The following ZNF23 variants were observed in gnomAD, a reference collection of about 807,000 sequenced individuals.
The protein encoded by ZNF23 is zinc finger protein 23.
A neutral mutation model predicts 56.2 loss-of-function variants in ZNF23; 48 were observed. The observed-to-expected ratio is 0.85, with a 90% CI of 0.68 to 1.09. ZNF23 has a LOEUF of 1.09. ZNF23 is among the 50% of genes least tolerant of loss of function. ZNF23 has a pLI of 0.00. For missense variants in ZNF23, 805 were observed against 811.4 expected (o/e 0.99, Z 0.10); for synonymous variants, 266 against 283.3 (o/e 0.94, Z 0.61).
chr16:71,462,197 G>A lies in ZNF23; in HGVS notation c.-33+13C>T, dbSNP rs1361276550. 1 of 152,370 alleles carries A rather than the reference G, an allele frequency of 6.6e-6. No individual in the cohort carries two copies. The highest frequency in any genetic ancestry group is 1.9e-4 in the East Asian group (1 of 5,188). The allele number at this position is 152,370 out of a possible 1,614,324, so 9.4% of individuals were successfully genotyped here. A position where few individuals can be genotyped will look rare whatever the true frequency, so the allele number is the denominator to read the frequency against. ...CAGGGCACGGCACACAGCGCCCGGA[G>A]CCCTGCACTCACCTCCGTAGCGGAC... On this transcript the variant is annotated intron_variant, in intron 1 of 4. Coordinates refer to ENST00000647773, the MANE Select transcript of ZNF23 (RefSeq NM_001381984.1).
chr16:71,449,894 A>C lies in ZNF23; in HGVS notation c.269-9T>G. ...GTCAGTCTGAATATCTACTATAAAA[A>C]ACAGAAAACATAAAATGTCATGTAA... On this transcript the variant is annotated splice_polypyrimidine_tract_variant and intron_variant, in intron 4 of 4. Coordinates refer to ENST00000647773, the MANE Select transcript of ZNF23 (RefSeq NM_001381984.1). 6.4e-7 allele frequency: 1 copy of C among 1,566,136 alleles called. No individual in the cohort carries two copies. The highest frequency in any genetic ancestry group is 8.6e-7 in the Non-Finnish European group (1 of 1,160,820).
intron 1 of ZNF23, among the ~76,000 whole-genome samples, chr16:71,458,424 T>C (rs1183123085): frequency 6.6e-6 from 1 of 152,230 alleles, no homozygotes; most frequent in East Asian, 1.9e-4. Flanking sequence ...AGTTTGCTTT[T>C]CCCACTTCTT....
chr16:71,455,385 C>T (rs936716735), intron 2 of ZNF23, among the ~76,000 whole-genome samples: 1 of 151,902 alleles, frequency 6.6e-6, no homozygotes, highest in Admixed American at 6.6e-5. Context: ...GAGTTGGAGT[C>T]TCGCTCTGTC....
rs758020926 is a variant in ZNF23 at position 71,449,567 on chromosome 16, G to A, written c.587C>T (p.Thr196Ile). 1.9e-6 allele frequency: 3 copies of A among 1,613,888 alleles called. No homozygotes were observed. The highest frequency in any genetic ancestry group is 2.5e-6 in the Non-Finnish European group (3 of 1,180,028). Reference sequence around the variant, plus strand: ...AATTATTTCATGCTTCACGAGTTTTGTATCAAAGCTGATGGATTTCCCCAA... The same window carrying A: ...AATTATTTCATGCTTCACGAGTTTTATATCAAAGCTGATGGATTTCCCCAA... ...TGLGKSISFD[T>I]KLVKHEIINS... The change falls in exon 5 of 5, where the codon ACA (threonine) becomes ATA (isoleucine). Residue 196 changes from threonine to isoleucine, a missense_variant. By Grantham distance (89) the Thr-to-Ile change is moderately conservative (BLOSUM62 -1). Transcript: ENST00000647773.
intron 4 of ZNF23, chr16:71,451,357 C>A (rs1161072245): frequency 6.6e-6 from 1 of 152,090 alleles, no homozygotes; most frequent in East Asian, 1.9e-4. Flanking sequence ...GCCTGGATTC[C>A]CCAGCAAGCA....
rs758836636 is a variant in ZNF23 at position 71,453,399 on chromosome 16, G to A, written c.161-49C>T. 16 of 1,376,336 alleles carry A rather than the reference G, an allele frequency of 1.2e-5. No homozygotes were observed. The South Asian group carries it at 1.5e-4, about 13-fold the overall frequency. 85.3% of individuals were successfully genotyped at this position (1,376,336 alleles called of 1,614,324 possible). ...AGAGACAGATGAATAAACTCCCACA[G>A]ACAAATTCCTAAGCCTCTTCTCAGA... On this transcript the variant is annotated intron_variant, in intron 3 of 4. Transcript: ENST00000647773.
At position 71,454,147 on chromosome 16, in the gene ZNF23, C is replaced by T. The variant is rs749038300; in HGVS notation, c.55G>A (p.Val19Met). 52 of 1,613,620 alleles carry T rather than the reference C, an allele frequency of 3.2e-5. No individual in the cohort carries two copies. In the East Asian group the frequency reaches 8.5e-4, roughly 26 times the overall value. The change falls in exon 3 of 5, where the codon GTG (valine) becomes ATG (methionine). Residue 19 changes from valine (V) to methionine (M), a missense_variant. Transcript: ENST00000647773. ...WPQKSVTFED[V>M]AVYFTQAEWD... is the part of the protein sequence containing the mutation. Reference sequence around the variant, plus strand: ...TCCGCCTGGGTGAAGTACACAGCCACGTCCTCAAAGGTCACCGACTTCTGA... The same window carrying T: ...TCCGCCTGGGTGAAGTACACAGCCATGTCCTCAAAGGTCACCGACTTCTGA...
intron 4 of ZNF23, chr16:71,450,107 A>G: frequency 5.0e-6 from 2 of 396,270 alleles, no homozygotes; most frequent in Non-Finnish European, 4.4e-6. Context: ...CATCCAAGAT[A>G]CAATCAAATG....
chr16:71,459,733 G>C (rs2043372372), intron 1 of ZNF23, among the ~76,000 whole-genome samples: 1 of 152,142 alleles, frequency 6.6e-6, no homozygotes, highest in Admixed American at 6.5e-5. Flanking sequence ...GCTTAGGATA[G>C]TTTACTGTTG....
chr16:71,449,757 G>C lies in ZNF23; in HGVS notation c.397C>G (p.Gln133Glu). 1 of 1,614,064 alleles carries C rather than the reference G, an allele frequency of 6.2e-7. No individual in the cohort carries two copies. The highest frequency in any genetic ancestry group is 8.5e-7 in the Non-Finnish European group (1 of 1,180,032). The change falls in exon 5 of 5, where the codon CAG (glutamine) becomes GAG (glutamate). Residue 133 changes from glutamine to glutamate, a missense_variant. Coordinates refer to ENST00000647773, the MANE Select transcript of ZNF23 (RefSeq NM_001381984.1). ...FSEASLLEKQ[Q>E]EVHSAGNIKK... is the part of the protein sequence containing the mutation. The stretch of plus-strand genomic sequence containing the variant: ...ATATTTCCTGCTGAGTGGACTTCCT[G>C]TTGTTTCTCTAGAAGAGAGGCTTCT...
At position 71,456,808 on chromosome 16, in the gene ZNF23, C is replaced by T. The variant is rs1008551095; in HGVS notation, c.-12G>A. On this transcript the variant is annotated 5_prime_UTR_variant, in exon 2 of 5. Transcript: ENST00000647773. The stretch of plus-strand genomic sequence containing the variant: ...TGCATGGCTGCCATCCCCTGGTCCC[C>T]GTCTCAGAGAAGGGCTGGAGCTAAG... The T allele has an allele frequency of 8.1e-6, 8 of 985,742 alleles. No homozygotes were observed. The highest frequency in any genetic ancestry group is 5.2e-5 in the African/African-American group (3 of 57,212). 61.1% of individuals were successfully genotyped at this position (985,742 alleles called of 1,614,324 possible). A position where few individuals can be genotyped will look rare whatever the true frequency, so the allele number is the denominator to read the frequency against.
At chr16:71,456,113 G>C (rs1239798472) in intron 2 of ZNF23, 1 of 449,438 alleles carries the variant, frequency 2.2e-6, no homozygotes, top group Non-Finnish European at 4.4e-6. Flanking sequence ...CAGGGGATCC[G>C]TGAAGTCCCT....
At chr16:71,460,579 T>C (rs2043407697) in intron 1 of ZNF23, among the ~76,000 whole-genome samples, 1 of 152,168 alleles carries the variant, frequency 6.6e-6, no homozygotes, top group Admixed American at 6.5e-5. Context: ...ACAATACTGA[T>C]GCAAAAACTA....
chr16:71,450,387 A>C (rs1222824390), intron 4 of ZNF23: 2 of 168,494 alleles, frequency 1.2e-5, no homozygotes, highest in African/African-American at 4.8e-5. Context: ...TGTGCCTAAT[A>C]CAAGGCCACT....
intron 2 of ZNF23, among the ~76,000 whole-genome samples, chr16:71,454,854 G>A (rs1174412876): frequency 6.6e-6 from 1 of 152,196 alleles, no homozygotes; most frequent in Admixed American, 6.5e-5. Context: ...CCTTCCCACT[G>A]GCCGGCTACT....
chr16:71,450,684 A>T (rs1416767752), intron 4 of ZNF23: 1 of 434,800 alleles, frequency 2.3e-6, no homozygotes, highest in African/African-American at 2.1e-5. Context: ...TTGCCACTGC[A>T]CTCCAGTTTG....
chr16:71,449,456 T>G lies in ZNF23; in HGVS notation c.698A>C (p.Asn233Thr), dbSNP rs758167658. The G allele has an allele frequency of 8.1e-6, 13 of 1,614,116 alleles. No homozygotes were observed. The highest frequency in any genetic ancestry group is 2.5e-6 in the Non-Finnish European group (3 of 1,180,048). The change falls in exon 5 of 5, where the codon AAC becomes ACC. Residue 233 changes from asparagine (N) to threonine (T), a missense_variant. Transcript: ENST00000647773. ...ACACTGATAAGGCTTTTCCTCAGTG[T>G]TGTTCTCTTGATGTTGAATAAGTTG... ...DSQLIQHQEN[N>T]TEEKPYQCSE...
chr16:71,455,869 G>C (rs142594800), intron 2 of ZNF23, among the ~76,000 whole-genome samples: 1 of 152,296 alleles, frequency 6.6e-6, no homozygotes, highest in African/African-American at 2.4e-5. Flanking sequence ...AAGCAGTTCT[G>C]AATCACACAA....
intron 1 of ZNF23, among the ~76,000 whole-genome samples, chr16:71,457,911 G>A (rs2043298686): frequency 6.6e-6 from 1 of 152,156 alleles, no homozygotes; most frequent in South Asian, 2.1e-4. Flanking sequence ...CTGGGCTGCA[G>A]CCCCAGTACA....
Sources: allele counts gnomAD v4.1 joint callset (sites outside exome capture counted in the v4.1 genomes callset), GRCh38; gene constraint gnomAD v4.1.1; transcripts MANE v1.5; gene names NCBI Gene and HGNC (gene_info 2026-07-23, HGNC 2026-07-21).